The following FAM81B variants were observed in gnomAD, a reference collection of about 807,000 sequenced individuals.
FAM81B encodes the protein family with sequence similarity 81 member B.
FAM81B carries 60 observed loss-of-function variants against 58.7 expected under a neutral mutation model. The observed-to-expected ratio is 1.02, with a 90% CI of 0.83 to 1.27. The LOEUF is 1.27. Among genes scored for constraint, FAM81B ranks in the 50% most tolerant of loss-of-function variants. The pLI is 0.00. For missense variants in FAM81B, 491 were observed against 522.0 expected, an observed-to-expected ratio of 0.94 and a Z score of 0.58; for synonymous variants, 189 against 179.6, an observed-to-expected ratio of 1.05 and a Z score of -0.42.
At chr5:95,419,804 A>G (rs10476645) in intron 4 of FAM81B, among the ~76,000 whole-genome samples, 38,012 of 152,106 alleles carry the variant, frequency 0.25, 5,936 homozygotes, top group African/African-American at 0.44. Flanking sequence ...GTTCTGGTTC[A>G]ATCCATAAAA....
chr5:95,408,540 T>C (rs533973087), intron 3 of FAM81B, among the ~76,000 whole-genome samples: 8 of 152,272 alleles, frequency 5.3e-5, no homozygotes, highest in African/African-American at 1.7e-4. Context: ...CCAGGGATGA[T>C]TTGGAGGCAG....
intron 7 of FAM81B, among the ~76,000 whole-genome samples, chr5:95,437,589 A>G (rs1412132301): frequency 2.6e-5 from 4 of 152,116 alleles, no homozygotes; most frequent in Non-Finnish European, 5.9e-5. Context: ...CGCCCGCCTC[A>G]GCCTCCCAAA....
intron 6 of FAM81B, among the ~76,000 whole-genome samples, chr5:95,431,115 T>C (rs990641768): frequency 3.3e-5 from 5 of 152,108 alleles, no homozygotes; most frequent in Non-Finnish European, 5.9e-5. Context: ...AAATTGCAAA[T>C]GCATTTCCCC....
At chr5:95,439,236 G>GTATATATATATATATATA (rs577076287) in intron 7 of FAM81B, among the ~76,000 whole-genome samples, 1,298 of 104,792 alleles carry the variant, frequency 0.012, 37 homozygotes, top group South Asian at 0.016. Flanking sequence ...AGGTTAAAGA[G>GTATATATATATATATATA]TATATATATA....
In FAM81B at chr5:95,426,098, A is replaced by G. The variant is rs867259838; in HGVS notation, c.657-2505A>G. ...GTTTTCTTCCTATCTCTGTGTGTAT[A>G]TATATATATATATATATATATATAT... On this transcript the variant is annotated intron_variant, in intron 5 of 9. Coordinates refer to ENST00000283357, the MANE Select transcript of FAM81B (RefSeq NM_152548.3). Among the ~76,000 whole-genome samples the G allele has an allele frequency of 1.3e-3, 155 of 119,048 alleles. 1 individual carries two copies. In the South Asian group the frequency reaches 0.018, roughly 14 times the overall value. 78.1% of individuals were successfully genotyped at this position (119,048 alleles called of 152,430 possible). A position where few individuals can be genotyped will look rare whatever the true frequency, so the allele number is the denominator to read the frequency against.
intron 2 of FAM81B, among the ~76,000 whole-genome samples, chr5:95,395,013 T>C (rs758667921): frequency 6.6e-6 from 1 of 152,298 alleles, no homozygotes; most frequent in Middle Eastern, 3.4e-3. Flanking sequence ...ATCCTAGGAA[T>C]ATATTTTGTT....
In FAM81B at chr5:95,420,442, C is replaced by A. The variant is rs748232378; in HGVS notation, c.656+40C>A. ...GTTGACTAATGTTTAACAGTGAATT[C>A]TTGGCCAGTGAATTCGCATTCCTAA... On this transcript the variant is annotated intron_variant, in intron 5 of 9. Transcript: ENST00000283357. 7.5e-6 allele frequency: 12 copies of A among 1,608,518 alleles called. No homozygotes were observed. The South Asian group carries it at 8.8e-5, about 12-fold the overall frequency.
intron 1 of FAM81B, among the ~76,000 whole-genome samples, chr5:95,392,412 T>C (rs1167898377): frequency 6.6e-6 from 1 of 152,188 alleles, no homozygotes; most frequent in Non-Finnish European, 1.5e-5. Flanking sequence ...GATGATGGGC[T>C]GATGGGTGCA....
At chr5:95,437,745 C>T (rs1745163226) in intron 7 of FAM81B, among the ~76,000 whole-genome samples, 1 of 152,132 alleles carries the variant, frequency 6.6e-6, no homozygotes, top group South Asian at 2.1e-4. Flanking sequence ...GTTCAAATTA[C>T]TGGCTTCCTT....
intron 4 of FAM81B, among the ~76,000 whole-genome samples, chr5:95,415,141 G>A (rs181758022): frequency 6.6e-6 from 1 of 152,194 alleles, no homozygotes; most frequent in Non-Finnish European, 1.5e-5. Flanking sequence ...ACATGCTTGT[G>A]TAAGAGGTCT....
intron 7 of FAM81B, among the ~76,000 whole-genome samples, chr5:95,438,591 G>GT: frequency 6.6e-6 from 1 of 152,026 alleles, no homozygotes; most frequent in Non-Finnish European, 1.5e-5. Context: ...TTTTATAACA[G>GT]TGTAAACTTG....
chr5:95,400,815 A>G (rs1006311419), intron 3 of FAM81B, among the ~76,000 whole-genome samples: 1 of 152,070 alleles, frequency 6.6e-6, no homozygotes, highest in Non-Finnish European at 1.5e-5. Context: ...TCTTCCGGGC[A>G]ACCTCAGAGA....
chr5:95,394,402 C>T (rs774432362), intron 2 of FAM81B, among the ~76,000 whole-genome samples: 2 of 152,080 alleles, frequency 1.3e-5, no homozygotes, highest in African/African-American at 2.4e-5. Context: ...AGGGACCAAC[C>T]GGTTGCTGAG....
Position 95,448,273 on chromosome 5 carries a change from A to G in FAM81B, c.1034A>G (p.Lys345Arg). The change falls in exon 9 of 10, where the codon AAG becomes AGG. Residue 345 changes from lysine (K) to arginine (R), a missense_variant. Coordinates refer to ENST00000283357, the MANE Select transcript of FAM81B (RefSeq NM_152548.3). ...ATCCCATAATCTCTTTTACAGGAAAAGTCTGAAAATAAAATGGAAGAAAAA... is the reference window on the plus strand; with the variant it reads ...ATCCCATAATCTCTTTTACAGGAAAGGTCTGAAAATAAAATGGAAGAAAAA... ...CLKVLQEKLE[K>R]SENKMEEKLL... The G allele has an allele frequency of 6.3e-7, 1 of 1,599,418 alleles. No homozygotes were observed. Among genetic ancestry groups the G allele is most frequent in the Admixed American group, 1.8e-5 (1 of 56,706 alleles).
intron 2 of FAM81B, among the ~76,000 whole-genome samples, chr5:95,395,368 G>A (rs547749051): frequency 1.2e-4 from 18 of 151,712 alleles, no homozygotes; most frequent in East Asian, 1.9e-4. Flanking sequence ...GTGTGAACCC[G>A]GGAGGCGGAG....
Position 95,450,133 on chromosome 5 carries a change from T to G in FAM81B, c.1226-16T>G, listed in dbSNP as rs779033228. 6.3e-7 allele frequency: 1 copy of G among 1,599,406 alleles called. No homozygotes were observed. The highest frequency in any genetic ancestry group is 1.1e-5 in the South Asian group (1 of 87,364). ...ATGCATTGTTTAAGTGTACCTATTC[T>G]TTTACCCTCTTACAGGATTTAAATC... On this transcript the variant is annotated splice_polypyrimidine_tract_variant and intron_variant, in intron 9 of 9. Coordinates refer to ENST00000283357, the MANE Select transcript of FAM81B (RefSeq NM_152548.3).
At chr5:95,429,287 T>G (rs988236478) in intron 6 of FAM81B, among the ~76,000 whole-genome samples, 1 of 152,210 alleles carries the variant, frequency 6.6e-6, no homozygotes, top group African/African-American at 2.4e-5. Context: ...ATATTACACA[T>G]CTTCCTCTAG....
chr5:95,413,675 C>T (rs531689325), intron 3 of FAM81B, among the ~76,000 whole-genome samples: 2 of 152,116 alleles, frequency 1.3e-5, no homozygotes, highest in African/African-American at 2.4e-5. Flanking sequence ...TATATAAAGG[C>T]GTCAGTCTTG....
At chr5:95,408,811 A>G (rs985922526) in intron 3 of FAM81B, among the ~76,000 whole-genome samples, 7 of 152,250 alleles carry the variant, frequency 4.6e-5, no homozygotes, top group Non-Finnish European at 7.3e-5. Flanking sequence ...GATACTAGCT[A>G]TAACTATTTA....
Sources: allele counts gnomAD v4.1 joint callset (sites outside exome capture counted in the v4.1 genomes callset), GRCh38; gene constraint gnomAD v4.1.1; transcripts MANE v1.5; gene names NCBI Gene and HGNC (gene_info 2026-07-23, HGNC 2026-07-21).